Variants in ATP6V1C2 observed in about 807,000 individuals in gnomAD.
ATP6V1C2 encodes the protein V-type proton ATPase subunit C 2.
Under a neutral mutation model 56.8 loss-of-function variants are expected in ATP6V1C2, and 45 were observed. The observed-to-expected ratio is 0.79, with a 90% CI of 0.62 to 1.02. The LOEUF is 1.02. Ranked by LOEUF, ATP6V1C2 falls within the 50% of genes least tolerant of loss-of-function variation. The pLI is 0.00. For synonymous variants in ATP6V1C2, 220 were observed against 201.3 expected, an observed-to-expected ratio of 1.09 and a Z score of -0.79; for missense variants, 463 against 519.7, an observed-to-expected ratio of 0.89 and a Z score of 1.06.
chr2:10,764,545 G>C, intron 5 of ATP6V1C2, 120 bp downstream of exon 5: 1 of 815,716 alleles, frequency 1.2e-6, no homozygotes, highest in East Asian at 2.6e-5. Context: ...GGTTTCTGAG[G>C]TGTGGCCTCC....
At chr2:10,744,327 C>T (rs1558396842) in intron 3 of ATP6V1C2, 1 of 152,216 alleles carries the variant, frequency 6.6e-6, no homozygotes, top group African/African-American at 2.4e-5. Flanking sequence ...CTCAGCAGTG[C>T]GTTGATGCTC....
intron 3 of ATP6V1C2, among the ~76,000 whole-genome samples, chr2:10,727,389 GAAAAAAA>G (rs34111959): frequency 3.4e-5 from 4 of 116,586 alleles, no homozygotes; most frequent in East Asian, 2.7e-4. Context: ...TTGTTTCTAA[GAAAAAAA>G]AAAAAAAAAA....
rs117054621 is a variant in ATP6V1C2, at chr2:10,777,682, G to A, written c.923G>A (p.Gly308Glu). ...GGTAACCCTGATAGGCCTGCTGCGGGGCAGACCGACAGAGAGAGAGAGAGT... is the reference window on the plus strand; with the variant it reads ...GGTAACCCTGATAGGCCTGCTGCGGAGCAGACCGACAGAGAGAGAGAGAGT... The part of the protein sequence containing the change: ...PLGNPDRPAA[G>E]QTDRERESEG... The change falls in exon 11 of 14, where the codon GGG (glycine) becomes GAG (glutamate). Residue 308 changes from glycine (G) to glutamate (E), a missense_variant. Physicochemically the swap from Gly to Glu is moderately conservative, Grantham distance 98. Coordinates refer to ENST00000272238, the MANE Select transcript of ATP6V1C2 (RefSeq NM_001039362.2). 232 of 1,613,994 alleles carry A rather than the reference G, an allele frequency of 1.4e-4. 1 individual carries two copies. The East Asian group carries it at 4.1e-3, about 28-fold the overall frequency.
At position 10,784,563 on chromosome 2, in the gene ATP6V1C2, G is replaced by C. The variant is rs370420114; in HGVS notation, c.*1300G>C. The C allele has an allele frequency of 4.8e-5, 25 of 516,512 alleles. 1 individual carries two copies. Among genetic ancestry groups the C allele is most frequent in the African/African-American group, 3.9e-4 (20 of 51,828 alleles). The allele number at this position is 516,512 out of a possible 1,614,324, so 32.0% of individuals were successfully genotyped here. A position where few individuals can be genotyped will look rare whatever the true frequency, so the allele number is the denominator to read the frequency against. ...ACCATTTTAACACTGGAAGCCACTT[G>C]AACGTGTCCTTTTGAGGAGGGTGGG... On this transcript the variant is annotated 3_prime_UTR_variant, in exon 14 of 14. Transcript: ENST00000272238.
At chr2:10,778,376 A>G in intron 11 of ATP6V1C2, 196 bp from the exon 12 acceptor site, 2 of 588,554 alleles carry the variant, frequency 3.4e-6, no homozygotes, top group Non-Finnish European at 6.0e-6. Flanking sequence ...TGGCCCGCTG[A>G]GCTTCCCCGG....
intron 8 of ATP6V1C2, among the ~76,000 whole-genome samples, chr2:10,773,042 G>A (rs901274198): frequency 2.6e-5 from 4 of 152,210 alleles, no homozygotes; most frequent in African/African-American, 7.2e-5. Context: ...CAGAGCAGCA[G>A]TAGCCAGTGG....
chr2:10,775,135 CCCAGGTCT>C (rs1664880902), intron 10 of ATP6V1C2, 64 bp downstream of exon 10: 1 of 1,234,136 alleles, frequency 8.1e-7, no homozygotes, highest in African/African-American at 1.5e-5. Context: ...GAAGAGTCCT[CCCAGGTCT>C]CCAGCTCTCC....
chr2:10,726,629 C>T (rs976144885), intron 3 of ATP6V1C2, 60 bp downstream of exon 3: 3 of 1,478,490 alleles, frequency 2.0e-6, no homozygotes, highest in Non-Finnish European at 2.8e-6. Context: ...TCAGAGGACA[C>T]AGTGTTCTTG....
At chr2:10,749,605 C>G (rs2148451175) in intron 3 of ATP6V1C2, among the ~76,000 whole-genome samples, 1 of 152,298 alleles carries the variant, frequency 6.6e-6, no homozygotes, top group Middle Eastern at 3.4e-3. Flanking sequence ...TGAGTGTATA[C>G]TGACTTTGTA....
intron 8 of ATP6V1C2, 43 bp from the exon 9 acceptor site, chr2:10,774,745 G>A (rs1664848558): frequency 1.9e-6 from 3 of 1,575,326 alleles, no homozygotes; most frequent in Non-Finnish European, 2.6e-6. Flanking sequence ...TCCCGCACAA[G>A]GCCTAGCAGT....
rs1342750662 is a variant in ATP6V1C2, at chr2:10,780,012, C to A, written c.1061+1343C>A. Among the ~76,000 whole-genome samples the A allele has an allele frequency of 2.6e-5, 4 of 152,272 alleles. No individual in the cohort carries two copies. In the East Asian group the frequency reaches 7.8e-4, roughly 30 times the overall value. On this transcript the variant is annotated intron_variant, in intron 12 of 13. Coordinates refer to ENST00000272238, the MANE Select transcript of ATP6V1C2 (RefSeq NM_001039362.2). The surrounding 1 kb of genome is among the most constrained non-coding windows in gnomAD (Gnocchi z 4.1). ...CCTGGGCTCCTCCAGCCCCTGAGAC[C>A]CTCTGTGTGACCTTCCGGACCCCTT...
rs13406870 is a variant in ATP6V1C2, at chr2:10,752,676, C to T, written c.198-1305C>T. Reference sequence around the variant, plus strand: ...CATCCACATTTTATAGGTAATAGAACGGAGGCTCAAAATAATTACATCAAT... The same window carrying T: ...CATCCACATTTTATAGGTAATAGAATGGAGGCTCAAAATAATTACATCAAT... On this transcript the variant is annotated intron_variant, in intron 3 of 13. Coordinates refer to ENST00000272238, the MANE Select transcript of ATP6V1C2 (RefSeq NM_001039362.2). Among the ~76,000 whole-genome samples, 1,437 of 152,126 alleles carry T rather than the reference C, an allele frequency of 9.4e-3. 24 individuals carry two copies. The highest frequency in any genetic ancestry group is 0.034 in the African/African-American group (1,393 of 41,494).
chr2:10,777,259 C>T (rs114857852), intron 10 of ATP6V1C2, among the ~76,000 whole-genome samples: 224 of 152,356 alleles, frequency 1.5e-3, no homozygotes, highest in African/African-American at 5.1e-3. Context: ...TAACGCCTCC[C>T]GGTGCTGTCC....
At chr2:10,727,695 T>C (rs1232199733) in intron 3 of ATP6V1C2, among the ~76,000 whole-genome samples, 3 of 152,132 alleles carry the variant, frequency 2.0e-5, no homozygotes, top group African/African-American at 7.2e-5. Context: ...GATCAGGAGT[T>C]TGAGACCAGC....
At chr2:10,758,267 C>T (rs1377451151) in intron 4 of ATP6V1C2, among the ~76,000 whole-genome samples, 3 of 152,168 alleles carry the variant, frequency 2.0e-5, no homozygotes, top group East Asian at 1.9e-4. Flanking sequence ...TTATGTTTTA[C>T]GCAAAATTAA....
At chr2:10,749,592 G>A (rs1318057337) in intron 3 of ATP6V1C2, among the ~76,000 whole-genome samples, 4 of 152,202 alleles carry the variant, frequency 2.6e-5, no homozygotes, top group African/African-American at 9.6e-5. Flanking sequence ...ATACACTGAG[G>A]TGTGAGTGTA....
chr2:10,726,734 G>A (rs1017209920), intron 3 of ATP6V1C2, among the ~76,000 whole-genome samples, 165 bp downstream of exon 3: 2 of 152,156 alleles, frequency 1.3e-5, no homozygotes, highest in African/African-American at 2.4e-5. Flanking sequence ...GGGTCTGCAG[G>A]AGCCCGCCTG....
At chr2:10,722,062 G>A (rs12468286) in intron 1 of ATP6V1C2, among the ~76,000 whole-genome samples, 54,220 of 152,054 alleles carry the variant, frequency 0.36, 10,940 homozygotes, top group Non-Finnish European at 0.46. Context: ...AGCTTATCCT[G>A]CTTTCCCCCA....
chr2:10,764,095 G>A (rs183045694), intron 4 of ATP6V1C2, among the ~76,000 whole-genome samples: 34 of 152,296 alleles, frequency 2.2e-4, no homozygotes, highest in African/African-American at 7.5e-4. Context: ...TGCCTTCTTT[G>A]TAATGGACAG....
Sources: allele counts gnomAD v4.1 joint callset (sites outside exome capture counted in the v4.1 genomes callset), GRCh38; gene constraint gnomAD v4.1.1; non-coding constraint Gnocchi (gnomAD v3.1); transcripts MANE v1.5; gene names NCBI Gene and HGNC (gene_info 2026-07-23, HGNC 2026-07-21).